RNF214: variants seen among roughly 807,000 people sequenced by gnomAD.
RNF214 encodes ring finger protein 214.
In RNF214, 25 loss-of-function variants were observed where a neutral mutation model predicts 75.9. The ratio of observed to expected loss-of-function variants is 0.33; its 90% CI spans 0.24 to 0.46. RNF214 has a LOEUF of 0.46. Among genes scored for constraint, RNF214 ranks in the 20% least tolerant of loss-of-function variants. RNF214 has a pLI of 1.00. For synonymous variants in RNF214, 314 were observed against 308.8 expected, an observed-to-expected ratio of 1.02 and a Z score of -0.18; for missense variants, 725 against 857.5, an observed-to-expected ratio of 0.85 and a Z score of 1.93.
At chr11:117,270,464 G>C (rs992079777) in intron 6 of RNF214, among the ~76,000 whole-genome samples, 2 of 151,638 alleles carry the variant, frequency 1.3e-5, no homozygotes, top group Non-Finnish European at 1.5e-5. Context: ...TGGAGTCTCT[G>C]TCTGTCACCC....
rs79940649 is a variant in RNF214, at chr11:117,279,724, T to C, written c.960-184T>C. On this transcript the variant is annotated intron_variant, in intron 6 of 14. Transcript: ENST00000300650. ...TGTCTGTATCTATATTTGATACTTA[T>C]ACTCCAGCTCTCTTTTGATTAGCAA... 1.3e-3 allele frequency among the ~76,000 whole-genome samples: 194 copies of C among 152,350 alleles called. 5 individuals carry two copies. The East Asian group carries it at 0.035, about 28-fold the overall frequency.
chr11:117,272,469 G>T (rs536648), intron 6 of RNF214, among the ~76,000 whole-genome samples: 17 of 151,892 alleles, frequency 1.1e-4, no homozygotes, highest in Non-Finnish European at 2.1e-4. Context: ...GAGAGCATTA[G>T]GACAAATAGC....
Position 117,232,684 on chromosome 11 carries a change from C to T in RNF214, c.-49C>T, listed in dbSNP as rs1299189522. ...GCGCGGGCCGGCGCTCGACCCCTCC[C>T]CCCGTGGCTCGGCCGCCCCCTCCCC... On this transcript the variant is annotated 5_prime_UTR_variant, in exon 1 of 15. Coordinates refer to ENST00000300650, the MANE Select transcript of RNF214 (RefSeq NM_207343.4). 1 of 150,858 alleles carries T rather than the reference C, an allele frequency of 6.6e-6. No homozygotes were observed. The highest frequency in any genetic ancestry group is 2.4e-5 in the African/African-American group (1 of 41,158). 9.3% of individuals were successfully genotyped at this position (150,858 alleles called of 1,614,324 possible).
At chr11:117,246,007 C>T (rs2033216356) in intron 5 of RNF214, among the ~76,000 whole-genome samples, 1 of 151,942 alleles carries the variant, frequency 6.6e-6, no homozygotes, top group African/African-American at 2.4e-5. Flanking sequence ...TTTTGTTGCC[C>T]AGACTGGAGT....
Position 117,267,022 on chromosome 11 carries a change from G to A in RNF214, c.960-12886G>A, listed in dbSNP as rs11216342. Among the ~76,000 whole-genome samples the A allele has an allele frequency of 5.9e-3, 889 of 149,668 alleles. 5 individuals are homozygous for A. Among genetic ancestry groups the A allele is most frequent in the Non-Finnish European group, 9.3e-3 (629 of 67,720 alleles). Reference sequence around the variant, plus strand: ...GGGGGCCAGACATGGTGGCTCATGCGTGTAAACCCAGCACTCGCTGTGGTG... The same window carrying A: ...GGGGGCCAGACATGGTGGCTCATGCATGTAAACCCAGCACTCGCTGTGGTG... On this transcript the variant is annotated intron_variant, in intron 6 of 14. Transcript: ENST00000300650.
chr11:117,267,280 A>G (rs2033816492), intron 6 of RNF214, among the ~76,000 whole-genome samples: 1 of 152,160 alleles, frequency 6.6e-6, no homozygotes, highest in Non-Finnish European at 1.5e-5. Flanking sequence ...GTTGTGGTTC[A>G]TGTATTTTGT....
chr11:117,280,036 T>C (rs768968316), intron 7 of RNF214, 32 bp downstream of exon 7: 2 of 1,560,650 alleles, frequency 1.3e-6, no homozygotes, highest in African/African-American at 2.7e-5. Context: ...TTGAAAGTCT[T>C]AGTTTCAGGC....
intron 10 of RNF214, 22 bp from the exon 11 acceptor site, chr11:117,281,872 C>T: frequency 1.2e-6 from 2 of 1,608,006 alleles, no homozygotes; most frequent in Non-Finnish European, 1.7e-6. Flanking sequence ...CTCTCTCGTC[C>T]TCTACCTCTT....
chr11:117,274,503 C>T (rs2033974148), intron 6 of RNF214, among the ~76,000 whole-genome samples: 1 of 149,730 alleles, frequency 6.7e-6, no homozygotes, highest in Admixed American at 6.7e-5. Context: ...GCTGGGATTA[C>T]AGGTGCCCAC....
intron 5 of RNF214, among the ~76,000 whole-genome samples, chr11:117,245,670 G>A (rs1591821067): frequency 6.6e-6 from 1 of 152,134 alleles, no homozygotes; most frequent in South Asian, 2.1e-4. Flanking sequence ...AAGAATGTTC[G>A]GATAAATTAG....
At position 117,269,643 on chromosome 11, in the gene RNF214, G is replaced by A. The variant is rs572473214; in HGVS notation, c.960-10265G>A. 3.2e-4 allele frequency among the ~76,000 whole-genome samples: 49 copies of A among 152,316 alleles called. 1 individual carries two copies. In the Middle Eastern group the frequency reaches 0.01, roughly 32 times the overall value. On this transcript the variant is annotated intron_variant, in intron 6 of 14. Coordinates refer to ENST00000300650, the MANE Select transcript of RNF214 (RefSeq NM_207343.4). ...CTCCCAAAGTACTGGGATTACAGGC[G>A]TGAGCCACTGGAGCCACTGTGCTTG...
Position 117,281,348 on chromosome 11 carries a change from A to G in RNF214, c.1180A>G (p.Lys394Glu). The G allele has an allele frequency of 1.2e-6, 2 of 1,613,748 alleles. No individual in the cohort carries two copies. The highest frequency in any genetic ancestry group is 1.1e-5 in the South Asian group (1 of 91,070). The stretch of plus-strand genomic sequence containing the variant: ...CCCAACACTGGAGACAGTTCGTTCC[A>G]AACAGGAGTGGGAGACGAGACTGAA... ...TPPTLETVRS[K>E]QEWETRLNGV... Residue 394 changes from lysine to glutamate, a missense_variant, in exon 9 of 15, where the codon AAA becomes GAA. Transcript: ENST00000300650.
chr11:117,260,642 T>A (rs1353485633), intron 6 of RNF214, among the ~76,000 whole-genome samples: 2 of 144,424 alleles, frequency 1.4e-5, no homozygotes, highest in East Asian at 4.4e-4. Flanking sequence ...CTATTTCTTT[T>A]TTTTTTTTCT....
At chr11:117,283,290 C>T (rs2034167020) in intron 14 of RNF214, 80 bp downstream of exon 14, 1 of 927,516 alleles carries the variant, frequency 1.1e-6, no homozygotes, top group South Asian at 1.5e-5. Context: ...ATTTTCTACT[C>T]TTTTTTTTCC....
intron 1 of RNF214, among the ~76,000 whole-genome samples, chr11:117,233,217 C>T (rs2032778775): frequency 6.6e-6 from 1 of 152,218 alleles, no homozygotes; most frequent in Non-Finnish European, 1.5e-5. Flanking sequence ...GGGTTTCGTT[C>T]ACCGGGCGCA....
chr11:117,281,809 G>GAGTT, intron 10 of RNF214, 85 bp from the exon 11 acceptor site: 1 of 1,533,388 alleles, frequency 6.5e-7, no homozygotes, highest in South Asian at 1.2e-5. Flanking sequence ...TTCAGTGCAA[G>GAGTT]AGTTGTTCAT....
At chr11:117,238,314 A>T (rs2032967808) in intron 2 of RNF214, among the ~76,000 whole-genome samples, 1 of 152,188 alleles carries the variant, frequency 6.6e-6, no homozygotes, top group Admixed American at 6.5e-5. Flanking sequence ...TCTGAGGTGG[A>T]GGATTGCTTG....
intron 2 of RNF214, among the ~76,000 whole-genome samples, chr11:117,236,866 A>T (rs1255543577): frequency 6.6e-6 from 1 of 152,116 alleles, no homozygotes; most frequent in Admixed American, 6.5e-5. Flanking sequence ...TGTACTGAGT[A>T]CTTTATGTGC....
intron 6 of RNF214, 62 bp downstream of exon 6, chr11:117,247,010 G>T (rs561391798): frequency 7.9e-7 from 1 of 1,266,162 alleles, no homozygotes; most frequent in Non-Finnish European, 1.1e-6. Context: ...GGCCAGACCC[G>T]TTTGTATTTG....
Sources: allele counts gnomAD v4.1 joint callset (sites outside exome capture counted in the v4.1 genomes callset), GRCh38; gene constraint gnomAD v4.1.1; transcripts MANE v1.5; gene names NCBI Gene and HGNC (gene_info 2026-07-23, HGNC 2026-07-21).